BRD3: variants seen among roughly 807,000 people sequenced by gnomAD.
The protein encoded by BRD3 is bromodomain containing 3, also known as bromodomain-containing protein 3.
In BRD3, 17 loss-of-function variants were observed where a neutral mutation model predicts 66.8. The observed-to-expected ratio is 0.25, with a 90% CI of 0.17 to 0.38. The LOEUF (loss-of-function observed/expected upper bound fraction) is 0.38. BRD3 is among the 10% of genes least tolerant of loss of function. The pLI is 1.00. For synonymous variants in BRD3, 421 were observed against 393.2 expected, an observed-to-expected ratio of 1.07 and a Z score of -0.84; for missense variants, 713 against 956.1, an observed-to-expected ratio of 0.75 and a Z score of 3.35.
At chr9:134,060,695 C>T (rs1187407204) in intron 1 of BRD3, among the ~76,000 whole-genome samples, 7 of 152,172 alleles carry the variant, frequency 4.6e-5, no homozygotes, top group Admixed American at 1.3e-4. Context: ...CTAACACTGA[C>T]TAGCCCCCTT....
At chr9:134,034,651 A>C (rs1460078409) in intron 11 of BRD3, 50 bp downstream of exon 11, 2 of 1,596,202 alleles carry the variant, frequency 1.3e-6, no homozygotes, top group Non-Finnish European at 1.7e-6. Context: ...CCTACTGCTG[A>C]CACCCCCCAC....
chr9:134,051,320 A>G (rs1241519023), intron 4 of BRD3, among the ~76,000 whole-genome samples: 1 of 152,212 alleles, frequency 6.6e-6, no homozygotes, highest in Non-Finnish European at 1.5e-5. Flanking sequence ...CTCCTAGACC[A>G]TGAGCTCCTC....
chr9:134,052,523 C>A (rs1588292047), intron 2 of BRD3, 80 bp from the exon 3 acceptor site: 1 of 1,490,036 alleles, frequency 6.7e-7, no homozygotes, highest in Non-Finnish European at 9.1e-7. Context: ...CACAGCCCGA[C>A]CTTCCCAAGT....
chr9:134,051,223 C>A (rs989672519), intron 4 of BRD3, among the ~76,000 whole-genome samples: 27 of 152,212 alleles, frequency 1.8e-4, no homozygotes, highest in African/African-American at 6.0e-4. Flanking sequence ...GGGGAACAGG[C>A]CCCACGCGTC....
In BRD3 at chr9:134,045,806, G is replaced by GT. The variant is rs1331274033; in HGVS notation, c.1087-386dup. On this transcript the variant is annotated intron_variant, in intron 6 of 11. Transcript: ENST00000303407. The surrounding 1 kb of genome is among the most constrained non-coding windows in gnomAD (Gnocchi z 4.8). ...CACGCCATCAGCAGCCCCAGGGGGC[G>GT]TGAGGCTGCAGCAAAGTCAGACTCC... is the stretch of plus-strand genomic sequence containing the variant. Among the ~76,000 whole-genome samples, 2 of 152,190 alleles carry GT rather than the reference G, an allele frequency of 1.3e-5. No individual in the cohort carries two copies. The highest frequency in any genetic ancestry group is 2.9e-5 in the Non-Finnish European group (2 of 68,028).
intron 1 of BRD3, among the ~76,000 whole-genome samples, chr9:134,059,007 A>G (rs1830484409): frequency 6.6e-6 from 1 of 152,248 alleles, no homozygotes; most frequent in African/African-American, 2.4e-5. Context: ...GCACTGATTC[A>G]ACACTGACTG....
At chr9:134,042,472 C>CA (rs1830070961) in intron 7 of BRD3, among the ~76,000 whole-genome samples, 1 of 152,004 alleles carries the variant, frequency 6.6e-6, no homozygotes, top group Non-Finnish European at 1.5e-5. Flanking sequence ...ACTTTATTTA[C>CA]AAAAAAATAT....
rs1249122158 is a variant in BRD3, at chr9:134,048,507, C to T, written c.715-53G>A. ...CCGGAAACCAGGGGCCCCGAAGACG[C>T]ATGTCGCTGCAGCCGCGTTTCTGGG... On this transcript the variant is annotated intron_variant, in intron 5 of 11. Coordinates refer to ENST00000303407, the MANE Select transcript of BRD3 (RefSeq NM_007371.4). 1.9e-6 allele frequency: 3 copies of T among 1,592,782 alleles called. No homozygotes were observed. The East Asian group carries it at 6.7e-5, about 36-fold the overall frequency.
intron 1 of BRD3, among the ~76,000 whole-genome samples, chr9:134,065,437 A>T (rs901643004): frequency 1.3e-4 from 2 of 15,192 alleles, no homozygotes; most frequent in African/African-American, 5.8e-4. Context: ...AGGAGAAGAG[A>T]AAAAAAAAAA....
chr9:134,036,547 T>C (rs926277517), intron 9 of BRD3: 1 of 1,610,120 alleles, frequency 6.2e-7, no homozygotes, highest in Admixed American at 1.7e-5. Context: ...CGTTCCTCTC[T>C]ACACCCCATA....
At chr9:134,047,941 G>A (rs1056850439) in intron 6 of BRD3, 142 bp downstream of exon 6, 14 of 1,202,476 alleles carry the variant, frequency 1.2e-5, no homozygotes, top group East Asian at 5.6e-5. Context: ...CCGGCGCTGC[G>A]GGGGCCAGCC....
chr9:134,032,869 T>TTTTTTTTTTAATCTTTTCTTC lies in BRD3; in HGVS notation c.*720_*721insGAAGAAAAGATTAAAAAAAAA, dbSNP rs1843534382. On this transcript the variant is annotated 3_prime_UTR_variant, in exon 12 of 12. Coordinates refer to ENST00000303407, the MANE Select transcript of BRD3 (RefSeq NM_007371.4). ...TTTTTTTTTTTTAAATCTTTTCTTC[T>TTTTTTTTTTAATCTTTTCTTC]TTTTTTTTTTTTAAAGTTGAGGTAA... 2.6e-5 allele frequency: 2 copies of TTTTTTTTTTAATCTTTTCTTC among 75,520 alleles called. No homozygotes were observed. The highest frequency in any genetic ancestry group is 1.8e-3 in the South Asian group (2 of 1,126). 4.7% of individuals were successfully genotyped at this position (75,520 alleles called of 1,614,324 possible).
At chr9:134,063,490 T>C (rs908486447) in intron 1 of BRD3, among the ~76,000 whole-genome samples, 3 of 152,196 alleles carry the variant, frequency 2.0e-5, no homozygotes, top group Non-Finnish European at 2.9e-5. Flanking sequence ...CAGTGACGCA[T>C]GGCACAGGGA....
intron 1 of BRD3, chr9:134,058,046 T>C (rs1830461512): frequency 6.6e-6 from 1 of 152,238 alleles, no homozygotes; most frequent in Non-Finnish European, 1.5e-5. Flanking sequence ...CACACCAGGA[T>C]TCACAGCCCG....
Position 134,045,897 on chromosome 9 carries a change from T to G in BRD3, c.1087-476A>C, listed in dbSNP as rs373169781. 6.6e-6 allele frequency among the ~76,000 whole-genome samples: 1 copy of G among 152,198 alleles called. No homozygotes were observed. Among genetic ancestry groups the G allele is most frequent in the Admixed American group, 6.5e-5 (1 of 15,292 alleles). ...TAATTTTTTCCCTCGAGGAAGCCAG[T>G]AGCTGTTAGCCAGCTTGCGTCTTAC... On this transcript the variant is annotated intron_variant, in intron 6 of 11. Transcript: ENST00000303407. This position sits in a 1 kb window ranked among gnomAD's most constrained non-coding sequence, Gnocchi z 4.8.
In BRD3 at chr9:134,031,535, C is replaced by A. The variant is rs1287972652; in HGVS notation, c.*2055G>T. On this transcript the variant is annotated 3_prime_UTR_variant, in exon 12 of 12. Coordinates refer to ENST00000303407, the MANE Select transcript of BRD3 (RefSeq NM_007371.4). ...CTTTAAAAAATGGAAACTTTCAAATCCATTTATATTTTTATTATAAACAAA... is the reference window on the plus strand; with the variant it reads ...CTTTAAAAAATGGAAACTTTCAAATACATTTATATTTTTATTATAAACAAA... 5.0e-6 allele frequency: 1 copy of A among 201,786 alleles called. No homozygotes were observed. Among genetic ancestry groups the A allele is most frequent in the African/African-American group, 2.3e-5 (1 of 43,488 alleles). 12.5% of individuals were successfully genotyped at this position (201,786 alleles called of 1,614,324 possible). A position where few individuals can be genotyped will look rare whatever the true frequency, so the allele number is the denominator to read the frequency against.
chr9:134,039,563 A>G (rs1588275618), intron 9 of BRD3, among the ~76,000 whole-genome samples: 1 of 152,004 alleles, frequency 6.6e-6, no homozygotes, highest in Admixed American at 6.6e-5. Flanking sequence ...CTCCTTCCCT[A>G]CTAGCTCACA....
chr9:134,054,991 C>T (rs1830385589), intron 1 of BRD3, among the ~76,000 whole-genome samples: 2 of 152,220 alleles, frequency 1.3e-5, no homozygotes, highest in Non-Finnish European at 2.9e-5. Context: ...GTGCCAGGGC[C>T]TCATCCAGGG....
Position 134,033,351 on chromosome 9 carries a change from G to T in BRD3, c.*239C>A. ...GCATTTGAAGTTGTCATCTCCAAGT[G>T]ACTGAATTCAGTGATGAAGAAGAGA... On this transcript the variant is annotated 3_prime_UTR_variant, in exon 12 of 12. Transcript: ENST00000303407. The surrounding 1 kb of genome is among the most constrained non-coding windows in gnomAD (Gnocchi z 5.1). 2.2e-6 allele frequency: 1 copy of T among 445,280 alleles called. No individual in the cohort carries two copies. The highest frequency in any genetic ancestry group is 5.4e-5 in the South Asian group (1 of 18,554). The allele number at this position is 445,280 out of a possible 1,614,324, so 27.6% of individuals were successfully genotyped here. A position where few individuals can be genotyped will look rare whatever the true frequency, so the allele number is the denominator to read the frequency against.
Sources: gnomAD v4.1 joint callset for allele counts (sites outside exome capture counted in the v4.1 genomes callset) on GRCh38, gnomAD v4.1.1 for gene constraint, Gnocchi (gnomAD v3.1) non-coding constraint, MANE v1.5 for transcripts, NCBI Gene and HGNC (gene_info 2026-07-23, HGNC 2026-07-21) for gene names.